The following PHF21A variants were observed in gnomAD, a reference collection of about 807,000 sequenced individuals.
The protein encoded by PHF21A is BHC80a.
Under a neutral mutation model 82.5 loss-of-function variants are expected in PHF21A, and 11 were observed. That is an observed-to-expected ratio of 0.13 (90% CI 0.08 to 0.22). The LOEUF is 0.22. Among genes scored for constraint, PHF21A ranks in the 10% least tolerant of loss-of-function variants. The pLI is 1.00. For missense variants in PHF21A, 579 were observed against 837.8 expected (o/e 0.69, Z 3.81); for synonymous variants, 297 against 302.8 (o/e 0.98, Z 0.20).
chr11:45,935,063 C>T (rs1182550788), intron 18 of PHF21A: 30 of 1,246,994 alleles, frequency 2.4e-5, no homozygotes, highest in Non-Finnish European at 2.7e-5. Context: ...CCTCTGTCCC[C>T]CTGCTGCAAA....
intron 6 of PHF21A, among the ~76,000 whole-genome samples, chr11:46,015,759 T>C (rs558391384): frequency 2.0e-5 from 3 of 152,286 alleles, no homozygotes; most frequent in Admixed American, 1.3e-4. Context: ...TTACTGTCTT[T>C]TACCTCTATA....
intron 6 of PHF21A, among the ~76,000 whole-genome samples, chr11:45,989,344 C>T (rs1465981016): frequency 6.6e-6 from 1 of 151,944 alleles, no homozygotes; most frequent in Non-Finnish European, 1.5e-5. Context: ...ATGAATAAAA[C>T]AAATTTGGTT....
chr11:45,934,303 C>G (rs2088241049), intron 18 of PHF21A, 78 bp from the exon 19 acceptor site: 2 of 1,385,890 alleles, frequency 1.4e-6, no homozygotes, highest in Admixed American at 3.9e-5. Flanking sequence ...AGCAGAGCGC[C>G]TTCTCTCTGC....
intron 7 of PHF21A, among the ~76,000 whole-genome samples, chr11:45,976,166 T>G (rs2094012180): frequency 6.6e-6 from 1 of 152,156 alleles, no homozygotes; most frequent in African/African-American, 2.4e-5. Context: ...TTTACTATTT[T>G]GACGCCATCC....
chr11:45,962,832 G>C (rs2093186813), intron 10 of PHF21A, among the ~76,000 whole-genome samples: 1 of 151,910 alleles, frequency 6.6e-6, no homozygotes, highest in African/African-American at 2.4e-5. Flanking sequence ...GGCGGAGCTT[G>C]CAGTGAGCCG....
intron 6 of PHF21A, among the ~76,000 whole-genome samples, chr11:46,036,530 T>C (rs2096007682): frequency 6.6e-6 from 1 of 152,182 alleles, no homozygotes; most frequent in South Asian, 2.1e-4. Flanking sequence ...ACGTTCAATC[T>C]CCCCACTTAG....
intron 18 of PHF21A, 76 bp downstream of exon 18, chr11:45,935,560 G>A (rs765718880): frequency 3.3e-5 from 27 of 827,246 alleles, no homozygotes; most frequent in Non-Finnish European, 4.8e-5. Context: ...GGGCCCACAC[G>A]TACTGTTACG....
At chr11:45,973,322 G>A (rs1340551982) in intron 7 of PHF21A, among the ~76,000 whole-genome samples, 1 of 152,134 alleles carries the variant, frequency 6.6e-6, no homozygotes, top group African/African-American at 2.4e-5. Flanking sequence ...AACACATCTG[G>A]ACAACTTCCC....
intron 6 of PHF21A, among the ~76,000 whole-genome samples, chr11:45,998,738 C>T (rs1367319240): frequency 6.6e-6 from 1 of 151,964 alleles, no homozygotes; most frequent in African/African-American, 2.4e-5. Context: ...TCTCGAACTT[C>T]GGACCTCAAG....
Position 46,079,178 on chromosome 11 carries a change from G to C in PHF21A, c.55-12C>G. Reference sequence around the variant, plus strand: ...TGAGCAACCAGTTTCTGGTAATAAAGAGAGAAAAAGAGCCATCAGTCTTAC... The same window carrying C: ...TGAGCAACCAGTTTCTGGTAATAAACAGAGAAAAAGAGCCATCAGTCTTAC... On this transcript the variant is annotated splice_polypyrimidine_tract_variant and intron_variant, in intron 4 of 18. Transcript: ENST00000676320. The C allele has an allele frequency of 6.3e-7, 1 of 1,592,238 alleles. No homozygotes were observed. The highest frequency in any genetic ancestry group is 1.7e-5 in the Admixed American group (1 of 58,934).
At chr11:45,999,959 A>G (rs1306135849) in intron 6 of PHF21A, among the ~76,000 whole-genome samples, 1 of 152,242 alleles carries the variant, frequency 6.6e-6, no homozygotes, top group East Asian at 1.9e-4. Context: ...CAAGGCTGCA[A>G]CATGACATTT....
chr11:45,990,238 C>T (rs1385982794), intron 6 of PHF21A, among the ~76,000 whole-genome samples: 8 of 145,868 alleles, frequency 5.5e-5, no homozygotes, highest in Non-Finnish European at 1.0e-4. Flanking sequence ...TCATTTATAG[C>T]ATTTTCATCT....
chr11:46,013,676 T>G (rs1442213774), intron 6 of PHF21A, among the ~76,000 whole-genome samples: 1 of 152,232 alleles, frequency 6.6e-6, no homozygotes, highest in Non-Finnish European at 1.5e-5. Context: ...CAAACTTAGA[T>G]GGTACAGCCT....
chr11:45,988,389 C>A (rs2094567082), intron 6 of PHF21A, among the ~76,000 whole-genome samples: 1 of 152,068 alleles, frequency 6.6e-6, no homozygotes, highest in Non-Finnish European at 1.5e-5. Context: ...CAGTATATAT[C>A]ATGTAGAAAA....
intron 15 of PHF21A, among the ~76,000 whole-genome samples, chr11:45,938,788 CTGAA>C (rs1259310950): frequency 1.3e-5 from 2 of 151,652 alleles, no homozygotes; most frequent in Admixed American, 1.3e-4. Flanking sequence ...CTATGCGTAA[CTGAA>C]ACAATAAGAA....
intron 2 of PHF21A, among the ~76,000 whole-genome samples, chr11:46,091,182 ATCTACTATATCT>A (rs1188615186): frequency 6.6e-6 from 1 of 152,156 alleles, no homozygotes; most frequent in Non-Finnish European, 1.5e-5. Context: ...TTGGCCAAAT[ATCTACTATATCT>A]ACTCCACCCA....
chr11:45,994,630 GTGGTTA>G (rs2094838862), intron 6 of PHF21A, among the ~76,000 whole-genome samples: 1 of 152,184 alleles, frequency 6.6e-6, no homozygotes, highest in African/African-American at 2.4e-5. Flanking sequence ...CTCACCAAGA[GTGGTTA>G]TGTTTTAGGC....
chr11:46,102,014 C>T (rs750649013), intron 1 of PHF21A, among the ~76,000 whole-genome samples: 6 of 152,176 alleles, frequency 3.9e-5, no homozygotes, highest in Non-Finnish European at 7.3e-5. Context: ...TGTGCCACCA[C>T]GCCCAGCTAA....
At chr11:45,934,965 C>G in intron 18 of PHF21A, 1 of 475,756 alleles carries the variant, frequency 2.1e-6, no homozygotes, top group Non-Finnish European at 3.9e-6. Context: ...AAGGCACCAC[C>G]TGGTATCCAT....
Sources: allele counts gnomAD v4.1 joint callset (sites outside exome capture counted in the v4.1 genomes callset), GRCh38; gene constraint gnomAD v4.1.1; transcripts MANE v1.5; gene names NCBI Gene and HGNC (gene_info 2026-07-23, HGNC 2026-07-21).